The following EPB41L5 variants were observed in gnomAD, a reference collection of about 807,000 sequenced individuals.
The protein encoded by EPB41L5 is erythrocyte membrane protein band 4.1 like 5, also known as band 4.1-like protein 5.
Under a neutral mutation model 106.6 loss-of-function variants are expected in EPB41L5, and 55 were observed. The observed-to-expected ratio is 0.52, with a 90% CI of 0.42 to 0.65. The LOEUF is 0.65. EPB41L5 is among the 30% of genes least tolerant of loss of function. The pLI, the probability that EPB41L5 is intolerant of heterozygous loss-of-function variation, is 0.00. For missense variants in EPB41L5, 871 were observed against 882.1 expected (o/e 0.99, Z 0.16); for synonymous variants, 297 against 306.7 (o/e 0.97, Z 0.33).
chr2:120,027,239 G>A (rs761217934), intron 2 of EPB41L5, among the ~76,000 whole-genome samples: 15 of 152,104 alleles, frequency 9.9e-5, no homozygotes, highest in African/African-American at 1.2e-4. Flanking sequence ...AGCTTGTAAC[G>A]GATGTTCATA....
chr2:120,172,696 C>T (rs1574805282), intron 24 of EPB41L5, among the ~76,000 whole-genome samples: 1 of 152,046 alleles, frequency 6.6e-6, no homozygotes, highest in Non-Finnish European at 1.5e-5. Flanking sequence ...AAAAAGAAGT[C>T]ATGGGACCCA....
intron 11 of EPB41L5, among the ~76,000 whole-genome samples, chr2:120,088,168 T>G (rs964984512): frequency 2.0e-5 from 3 of 152,200 alleles, no homozygotes; most frequent in African/African-American, 7.2e-5. Flanking sequence ...ATTTTTTTTT[T>G]GAATCCAGTT....
chr2:120,044,452 C>T (rs1033391796), intron 3 of EPB41L5, among the ~76,000 whole-genome samples: 2 of 152,102 alleles, frequency 1.3e-5, no homozygotes, highest in Non-Finnish European at 2.9e-5. Flanking sequence ...GCTTTCACTT[C>T]TAGAATAATA....
At chr2:120,139,730 G>A (rs942475735) in intron 18 of EPB41L5, among the ~76,000 whole-genome samples, 1 of 151,904 alleles carries the variant, frequency 6.6e-6, no homozygotes, top group African/African-American at 2.4e-5. Flanking sequence ...ACTGTTGGTG[G>A]GAATGTAAAT....
intron 10 of EPB41L5, among the ~76,000 whole-genome samples, chr2:120,079,493 C>T (rs1001550319): frequency 2.0e-5 from 3 of 152,088 alleles, no homozygotes. Flanking sequence ...AGTTTCCTTG[C>T]CCTCCTCCCC....
chr2:120,034,007 G>C (rs1678887610), intron 2 of EPB41L5, among the ~76,000 whole-genome samples: 1 of 151,946 alleles, frequency 6.6e-6, no homozygotes, highest in African/African-American at 2.4e-5. Flanking sequence ...AAGGTGGGAG[G>C]ATTGCTTGAG....
chr2:120,040,211 A>G (rs923474604), intron 2 of EPB41L5, among the ~76,000 whole-genome samples: 27 of 152,260 alleles, frequency 1.8e-4, no homozygotes, highest in African/African-American at 6.0e-4. Context: ...AATTAAAGAA[A>G]TATGAAAGAT....
intron 3 of EPB41L5, among the ~76,000 whole-genome samples, chr2:120,064,404 G>T (rs1044992069): frequency 6.6e-6 from 1 of 152,124 alleles, no homozygotes; most frequent in African/African-American, 2.4e-5. Flanking sequence ...TTAGAAGGCA[G>T]GAGTCATTGA....
chr2:120,072,998 G>C (rs187682824), intron 3 of EPB41L5, among the ~76,000 whole-genome samples, 180 bp from the exon 4 acceptor site: 16 of 151,572 alleles, frequency 1.1e-4, no homozygotes, highest in Admixed American at 5.9e-4. Flanking sequence ...GCTTGCTATG[G>C]TGGATATTGG....
At chr2:120,125,684 C>T (rs995308335) in intron 16 of EPB41L5, among the ~76,000 whole-genome samples, 1 of 152,140 alleles carries the variant, frequency 6.6e-6, no homozygotes, top group African/African-American at 2.4e-5. Context: ...TGAATTCTCT[C>T]ACGGAATGCC....
intron 3 of EPB41L5, among the ~76,000 whole-genome samples, chr2:120,069,396 A>G (rs1170300547): frequency 1.3e-5 from 2 of 152,094 alleles, no homozygotes; most frequent in Admixed American, 1.3e-4. Flanking sequence ...CCCACTGTCA[A>G]TATTAGAAAG....
intron 16 of EPB41L5, chr2:120,105,743 T>C (rs924357769): frequency 5.1e-6 from 5 of 985,272 alleles, no homozygotes. Flanking sequence ...TGGCCACTAA[T>C]GTATGGCCCT....
At chr2:120,134,783 G>C (rs778026074) in intron 18 of EPB41L5, among the ~76,000 whole-genome samples, 1 of 152,176 alleles carries the variant, frequency 6.6e-6, no homozygotes, top group Admixed American at 6.5e-5. Flanking sequence ...CCAAAAACTT[G>C]TATCACAACA....
chr2:120,018,569 T>G (rs553174611), intron 1 of EPB41L5, among the ~76,000 whole-genome samples: 100 of 152,236 alleles, frequency 6.6e-4, no homozygotes, highest in Non-Finnish European at 1.2e-3. Flanking sequence ...ATTTATAATA[T>G]GTCTTGAAAT....
At chr2:120,159,449 A>T (rs995727843) in intron 20 of EPB41L5, among the ~76,000 whole-genome samples, 4 of 137,402 alleles carry the variant, frequency 2.9e-5, no homozygotes, top group Non-Finnish European at 6.8e-5. Context: ...AAAAAGTGAC[A>T]ATCAATATCA....
chr2:120,021,805 A>G (rs1239239808), intron 2 of EPB41L5, among the ~76,000 whole-genome samples: 3 of 152,350 alleles, frequency 2.0e-5, no homozygotes, highest in Non-Finnish European at 4.4e-5. Flanking sequence ...AAAAGAAGAA[A>G]TGATTTCCCC....
intron 18 of EPB41L5, among the ~76,000 whole-genome samples, chr2:120,134,655 T>C (rs1324830443): frequency 6.6e-6 from 1 of 152,180 alleles, no homozygotes; most frequent in Non-Finnish European, 1.5e-5. Context: ...TGCCAGGTAA[T>C]CCAGGGAATT....
At chr2:120,024,011 T>G (rs190676126) in intron 2 of EPB41L5, among the ~76,000 whole-genome samples, 2 of 152,324 alleles carry the variant, frequency 1.3e-5, no homozygotes, top group African/African-American at 2.4e-5. Context: ...AGCTTGTGAT[T>G]TTTGCACATT....
chr2:120,117,044 A>G (rs1380967679), intron 16 of EPB41L5, among the ~76,000 whole-genome samples: 1 of 152,242 alleles, frequency 6.6e-6, no homozygotes, highest in African/African-American at 2.4e-5. Context: ...ATTTATTGTG[A>G]AATAAATATA....
Sources: allele counts gnomAD v4.1 joint callset (sites outside exome capture counted in the v4.1 genomes callset), GRCh38; gene constraint gnomAD v4.1.1; transcripts MANE v1.5; gene names NCBI Gene and HGNC (gene_info 2026-07-23, HGNC 2026-07-21).